Variants in NEDD4L observed in about 807,000 individuals in gnomAD.
The protein encoded by NEDD4L is E3 ubiquitin-protein ligase NEDD4-like.
In NEDD4L, 54 loss-of-function variants were observed where a neutral mutation model predicts 148.9. The observed-to-expected ratio is 0.36, with a 90% confidence interval of 0.29 to 0.45. The LOEUF is 0.45. NEDD4L is among the 20% of genes least tolerant of loss of function. The pLI, the probability that NEDD4L is intolerant of heterozygous loss-of-function variation, is 1.00. For synonymous variants in NEDD4L, 433 were observed against 440.7 expected, an observed-to-expected ratio of 0.98 and a Z score of 0.22; for missense variants, 856 against 1,233.8, an observed-to-expected ratio of 0.69 and a Z score of 4.59.
At chr18:58,170,125 C>T (rs2037387347) in intron 2 of NEDD4L, among the ~76,000 whole-genome samples, 1 of 152,160 alleles carries the variant, frequency 6.6e-6, no homozygotes, top group Admixed American at 6.5e-5. Flanking sequence ...CCTTTCCCAC[C>T]CCTTCACTGG....
intron 2 of NEDD4L, among the ~76,000 whole-genome samples, chr18:58,236,687 G>A (rs1427294552): frequency 6.6e-6 from 1 of 152,228 alleles, no homozygotes; most frequent in East Asian, 1.9e-4. Context: ...TGGAAGTTAT[G>A]ACCATTGCTC....
intron 2 of NEDD4L, chr18:58,195,547 T>C (rs760995028): frequency 7.5e-7 from 1 of 1,340,250 alleles, no homozygotes; most frequent in Non-Finnish European, 9.8e-7. Context: ...CAGAGCCCTG[T>C]CCACGCGGTG....
intron 1 of NEDD4L, among the ~76,000 whole-genome samples, chr18:58,130,503 G>T (rs2031918477): frequency 7.6e-6 from 1 of 131,196 alleles, no homozygotes; most frequent in South Asian, 2.9e-4. Flanking sequence ...TTGGGGTTTG[G>T]TTGTGATCTA....
chr18:58,142,170 C>T (rs2033612928), intron 1 of NEDD4L, among the ~76,000 whole-genome samples: 1 of 150,510 alleles, frequency 6.6e-6, no homozygotes, highest in African/African-American at 2.4e-5. Flanking sequence ...CCTCAGCCTC[C>T]CGAGTAGCTG....
intron 23 of NEDD4L, among the ~76,000 whole-genome samples, chr18:58,372,856 GA>G (rs1388669609): frequency 6.7e-6 from 1 of 150,128 alleles, no homozygotes; most frequent in Non-Finnish European, 1.5e-5. Flanking sequence ...AAGAGAGAGA[GA>G]AAAGAAAGTA....
intron 1 of NEDD4L, among the ~76,000 whole-genome samples, chr18:58,155,350 T>A (rs1446559698): frequency 6.7e-6 from 1 of 149,350 alleles, no homozygotes; most frequent in Non-Finnish European, 1.5e-5. Context: ...TAGACTCAGA[T>A]GAAATCCTTT....
intron 2 of NEDD4L, among the ~76,000 whole-genome samples, chr18:58,196,211 A>T (rs1342951190): frequency 6.6e-6 from 1 of 152,228 alleles, no homozygotes; most frequent in Non-Finnish European, 1.5e-5. Context: ...GATTCTTTGT[A>T]GGCTTCACTG....
chr18:58,120,097 C>T (rs570258574), intron 1 of NEDD4L, among the ~76,000 whole-genome samples: 20 of 152,330 alleles, frequency 1.3e-4, no homozygotes, highest in Non-Finnish European at 2.4e-4. Context: ...GTCTCTGGAT[C>T]CCTTCTTGCT....
chr18:58,127,856 A>AAAG (rs1389649549), intron 1 of NEDD4L, among the ~76,000 whole-genome samples: 24 of 151,310 alleles, frequency 1.6e-4, no homozygotes, highest in African/African-American at 5.1e-4. Context: ...AAAAAAAAAA[A>AAAG]AAAGAATCAA....
At chr18:58,249,861 C>G (rs993225290) in intron 4 of NEDD4L, among the ~76,000 whole-genome samples, 3 of 152,216 alleles carry the variant, frequency 2.0e-5, no homozygotes, top group Non-Finnish European at 4.4e-5. Flanking sequence ...CTGATACTTT[C>G]ATACTTGGTG....
intron 25 of NEDD4L, among the ~76,000 whole-genome samples, chr18:58,383,890 CAG>C (rs1166731823): frequency 6.6e-6 from 1 of 152,134 alleles, no homozygotes; most frequent in Non-Finnish European, 1.5e-5. Flanking sequence ...ACATTTGTAC[CAG>C]GCAGAAGTTT....
intron 1 of NEDD4L, among the ~76,000 whole-genome samples, chr18:58,131,410 G>T (rs889798532): frequency 6.7e-5 from 10 of 150,192 alleles, no homozygotes; most frequent in Non-Finnish European, 1.3e-4. Flanking sequence ...AACTGTGGTG[G>T]TGTTGGGCTC....
At chr18:58,211,555 A>G (rs1287172778) in intron 2 of NEDD4L, among the ~76,000 whole-genome samples, 2 of 152,268 alleles carry the variant, frequency 1.3e-5, no homozygotes, top group Admixed American at 6.5e-5. Context: ...TACAAAATTA[A>G]TAAGTAAATT....
chr18:58,380,789 G>A (rs1368188874), intron 24 of NEDD4L, among the ~76,000 whole-genome samples: 1 of 151,986 alleles, frequency 6.6e-6, no homozygotes, highest in Non-Finnish European at 1.5e-5. Context: ...AGTTCTCATC[G>A]TTTAACTCCC....
At chr18:58,062,580 C>T (rs2082381816) in intron 1 of NEDD4L, among the ~76,000 whole-genome samples, 1 of 152,134 alleles carries the variant, frequency 6.6e-6, no homozygotes, top group Admixed American at 6.5e-5. Flanking sequence ...AGTTGGTAGC[C>T]AGCCTAGATG....
intron 1 of NEDD4L, among the ~76,000 whole-genome samples, chr18:58,132,154 C>T (rs961790096): frequency 2.6e-5 from 4 of 152,142 alleles, no homozygotes; most frequent in Non-Finnish European, 4.4e-5. Context: ...TTTTTAATTT[C>T]CATTATTCTC....
chr18:58,097,383 G>A (rs1056294303), intron 1 of NEDD4L, among the ~76,000 whole-genome samples: 1 of 151,902 alleles, frequency 6.6e-6, no homozygotes, highest in African/African-American at 2.4e-5. Context: ...CCTGGGACAA[G>A]TAAACAGAAC....
chr18:58,122,082 C>T (rs1244020844), intron 1 of NEDD4L, among the ~76,000 whole-genome samples: 1 of 152,220 alleles, frequency 6.6e-6, no homozygotes. Context: ...GGCTGTGTCG[C>T]CCTCTAGTGG....
At chr18:58,344,836 A>G (rs762210681) in intron 16 of NEDD4L, among the ~76,000 whole-genome samples, 3 of 152,242 alleles carry the variant, frequency 2.0e-5, no homozygotes, top group Non-Finnish European at 4.4e-5. Flanking sequence ...GGCTCCAGAA[A>G]TAAGGGCTAA....
Sources: gnomAD v4.1 joint callset for allele counts (sites outside exome capture counted in the v4.1 genomes callset) on GRCh38, gnomAD v4.1.1 for gene constraint, MANE v1.5 for transcripts, NCBI Gene and HGNC (gene_info 2026-07-23, HGNC 2026-07-21) for gene names.